PAPPA: variants seen among roughly 807,000 people sequenced by gnomAD.
The protein encoded by PAPPA is pappalysin-1.
A neutral mutation model predicts 164.0 loss-of-function variants in PAPPA; 60 were observed. The observed-to-expected ratio is 0.37, with a 90% CI of 0.30 to 0.45. PAPPA has a LOEUF of 0.45. Among genes scored for constraint, PAPPA ranks in the 20% least tolerant of loss-of-function variants. The pLI is 1.00. For missense variants in PAPPA, 1,782 were observed against 2,087.3 expected (o/e 0.85, Z 2.85); for synonymous variants, 875 against 814.1 (o/e 1.07, Z -1.27).
chr9:116,191,586 T>C (rs963160753), intron 2 of PAPPA, among the ~76,000 whole-genome samples: 3 of 152,186 alleles, frequency 2.0e-5, no homozygotes, highest in Non-Finnish European at 4.4e-5. Flanking sequence ...GAAAGTCATA[T>C]AGAAACATAA....
intron 9 of PAPPA, among the ~76,000 whole-genome samples, chr9:116,302,186 T>G (rs1845586952): frequency 6.6e-6 from 1 of 152,198 alleles, no homozygotes; most frequent in African/African-American, 2.4e-5. Context: ...GAGGAATATT[T>G]CGAATAATGA....
intron 1 of PAPPA, among the ~76,000 whole-genome samples, chr9:116,182,105 T>G (rs566111658): frequency 8.8e-4 from 134 of 152,346 alleles, no homozygotes; most frequent in Non-Finnish European, 1.6e-3. Context: ...TGAGCTGTGT[T>G]GCTTTGGGCA....
At chr9:116,241,871 CT>C (rs924423840) in intron 7 of PAPPA, among the ~76,000 whole-genome samples, 8 of 151,216 alleles carry the variant, frequency 5.3e-5, no homozygotes, top group Non-Finnish European at 1.0e-4. Context: ...TTCTTTCTTC[CT>C]TTTTTTTTCC....
chr9:116,162,325 A>C (rs1193090285), intron 1 of PAPPA, among the ~76,000 whole-genome samples: 1 of 152,186 alleles, frequency 6.6e-6, no homozygotes, highest in Non-Finnish European at 1.5e-5. Context: ...GTGACGATAC[A>C]CACACACATA....
chr9:116,207,039 A>G (rs1844244403), intron 2 of PAPPA, among the ~76,000 whole-genome samples: 3 of 152,172 alleles, frequency 2.0e-5, no homozygotes, highest in Admixed American at 1.3e-4. Context: ...ACCCTTTATT[A>G]TTCTAAGAGG....
At chr9:116,204,027 A>G (rs1844202596) in intron 2 of PAPPA, among the ~76,000 whole-genome samples, 1 of 152,198 alleles carries the variant, frequency 6.6e-6, no homozygotes, top group Admixed American at 6.5e-5. Context: ...ACGCAGAGGC[A>G]GACTGTCAGT....
At chr9:116,245,374 A>G (rs996347770) in intron 7 of PAPPA, among the ~76,000 whole-genome samples, 1 of 152,210 alleles carries the variant, frequency 6.6e-6, no homozygotes, top group African/African-American at 2.4e-5. Context: ...TTTATTCATT[A>G]TGAAATAGAG....
intron 10 of PAPPA, among the ~76,000 whole-genome samples, chr9:116,317,057 AAC>A (rs1343164550): frequency 2.0e-5 from 3 of 152,166 alleles, no homozygotes; most frequent in Non-Finnish European, 4.4e-5. Context: ...CACAATCTGG[AAC>A]ACACAGATCT....
chr9:116,177,781 C>T (rs1036405838), intron 1 of PAPPA, among the ~76,000 whole-genome samples: 10 of 152,194 alleles, frequency 6.6e-5, no homozygotes, highest in Non-Finnish European at 1.2e-4. Flanking sequence ...CTTAGTCCAC[C>T]AGGATCTGGT....
intron 1 of PAPPA, among the ~76,000 whole-genome samples, chr9:116,181,342 C>G (rs1843902625): frequency 6.6e-6 from 1 of 151,900 alleles, no homozygotes; most frequent in Admixed American, 6.6e-5. Context: ...CTCTCTCTTT[C>G]TCTCTCTCTC....
chr9:116,177,834 T>C (rs1843855106), intron 1 of PAPPA, among the ~76,000 whole-genome samples: 1 of 152,178 alleles, frequency 6.6e-6, no homozygotes, highest in African/African-American at 2.4e-5. Flanking sequence ...GTTCATATTG[T>C]TATAGTGTAC....
intron 2 of PAPPA, among the ~76,000 whole-genome samples, chr9:116,202,728 G>A (rs1056067345): frequency 6.6e-6 from 1 of 152,134 alleles, no homozygotes; most frequent in East Asian, 1.9e-4. Flanking sequence ...AAGGGGAGGG[G>A]TGTGGAGGAG....
At chr9:116,188,887 C>T (rs1844010059) in intron 2 of PAPPA, among the ~76,000 whole-genome samples, 1 of 152,138 alleles carries the variant, frequency 6.6e-6, no homozygotes, top group African/African-American at 2.4e-5. Flanking sequence ...TGTCAAGTTG[C>T]TCTGAGGATT....
At chr9:116,212,069 T>A (rs1844314918) in intron 4 of PAPPA, 137 bp downstream of exon 4, 1 of 724,820 alleles carries the variant, frequency 1.4e-6, no homozygotes, top group Non-Finnish European at 2.3e-6. Context: ...ATCCACCTAA[T>A]GTCTTTCGGT....
chr9:116,213,380 A>C (rs1054460182), intron 4 of PAPPA, among the ~76,000 whole-genome samples: 1 of 151,968 alleles, frequency 6.6e-6, no homozygotes, highest in Non-Finnish European at 1.5e-5. Flanking sequence ...TCAATAACCC[A>C]CCTCTGGTAC....
At chr9:116,383,221 C>A (rs1367310625) in intron 21 of PAPPA, among the ~76,000 whole-genome samples, 2 of 152,156 alleles carry the variant, frequency 1.3e-5, no homozygotes, top group Non-Finnish European at 2.9e-5. Flanking sequence ...GAGTGAGGAG[C>A]CCCAGCCAAG....
chr9:116,283,677 G>A (rs962238673), intron 9 of PAPPA, among the ~76,000 whole-genome samples: 2 of 152,178 alleles, frequency 1.3e-5, no homozygotes, highest in Non-Finnish European at 2.9e-5. Flanking sequence ...CAAATTATCC[G>A]TAAGTTTAAA....
intron 10 of PAPPA, among the ~76,000 whole-genome samples, chr9:116,311,625 T>G (rs1191321093): frequency 6.6e-6 from 1 of 152,214 alleles, no homozygotes; most frequent in Non-Finnish European, 1.5e-5. Context: ...AGCTGTCTGA[T>G]GCCTGGCGAA....
intron 7 of PAPPA, among the ~76,000 whole-genome samples, chr9:116,261,829 AT>A (rs1845005630): frequency 6.6e-6 from 1 of 152,104 alleles, no homozygotes; most frequent in Admixed American, 6.6e-5. Context: ...ATACAACCCT[AT>A]GGCACATATG....
Sources: allele counts gnomAD v4.1 joint callset (sites outside exome capture counted in the v4.1 genomes callset), GRCh38; gene constraint gnomAD v4.1.1; transcripts MANE v1.5; gene names NCBI Gene and HGNC (gene_info 2026-07-23, HGNC 2026-07-21).